NFIA: variants seen among roughly 807,000 people sequenced by gnomAD.
NFIA encodes the protein nuclear factor 1 A-type.
Under a neutral mutation model 62.8 loss-of-function variants are expected in NFIA, and 8 were observed. The ratio of observed to expected loss-of-function variants is 0.13; its 90% CI spans 0.07 to 0.23. The LOEUF (loss-of-function observed/expected upper bound fraction) is 0.23, where lower values mean the gene tolerates loss of function less well. Among genes scored for constraint, NFIA ranks in the 10% least tolerant of loss-of-function variants. NFIA has a pLI of 1.00. For missense variants in NFIA, 410 were observed against 642.1 expected (o/e 0.64, Z 3.91); for synonymous variants, 235 against 238.1 (o/e 0.99, Z 0.12).
At chr1:61,237,445 T>G (rs1247806246) in intron 2 of NFIA, among the ~76,000 whole-genome samples, 2 of 152,204 alleles carry the variant, frequency 1.3e-5, no homozygotes, top group Non-Finnish European at 2.9e-5. Context: ...AATTGACTGA[T>G]AAATCTCTGG....
At chr1:61,431,034 A>G (rs1667078759) in intron 10 of NFIA, among the ~76,000 whole-genome samples, 1 of 152,158 alleles carries the variant, frequency 6.6e-6, no homozygotes, top group African/African-American at 2.4e-5. Context: ...ACATATAGAA[A>G]GGTCTCTGGG....
intron 2 of NFIA, among the ~76,000 whole-genome samples, chr1:61,172,824 T>C (rs1470652223): frequency 6.6e-6 from 1 of 152,248 alleles, no homozygotes; most frequent in Non-Finnish European, 1.5e-5. Flanking sequence ...AACATTTTTC[T>C]TGGTTATTTA....
chr1:61,444,564 G>T (rs543058879), intron 10 of NFIA, among the ~76,000 whole-genome samples: 1 of 152,292 alleles, frequency 6.6e-6, no homozygotes, highest in South Asian at 2.1e-4. Context: ...CTTGTAAACG[G>T]TGTTCCTTGA....
intron 2 of NFIA, among the ~76,000 whole-genome samples, chr1:61,205,197 G>T (rs1012603329): frequency 1.3e-5 from 2 of 152,194 alleles, no homozygotes; most frequent in Non-Finnish European, 2.9e-5. Context: ...ATATTTTATA[G>T]AAATGCGTTT....
chr1:61,390,282 A>G (rs1453342896), intron 7 of NFIA, among the ~76,000 whole-genome samples: 1 of 152,230 alleles, frequency 6.6e-6, no homozygotes, highest in African/African-American at 2.4e-5. Flanking sequence ...CAAAGAATTC[A>G]GACATACGAA....
chr1:61,082,531 T>C (rs553177547), upstream of NFIA: 45 of 1,359,872 alleles, frequency 3.3e-5, no homozygotes, highest in South Asian at 6.1e-4. Context: ...ACAGTAGGCA[T>C]GTATAGTGGA....
intron 10 of NFIA, among the ~76,000 whole-genome samples, chr1:61,437,741 A>G (rs895431113): frequency 1.3e-5 from 2 of 152,234 alleles, no homozygotes; most frequent in East Asian, 3.8e-4. Context: ...GAGAAGACAC[A>G]TGAGTGGTTT....
At chr1:61,267,136 A>G (rs1386433611) in intron 2 of NFIA, among the ~76,000 whole-genome samples, 2 of 152,250 alleles carry the variant, frequency 1.3e-5, no homozygotes, top group African/African-American at 4.8e-5. Context: ...GGAGGATACC[A>G]GGCCTAATTC....
chr1:61,248,019 G>A (rs1163889088), intron 2 of NFIA, among the ~76,000 whole-genome samples: 1 of 152,074 alleles, frequency 6.6e-6, no homozygotes, highest in Non-Finnish European at 1.5e-5. Context: ...AGTAGTTCTT[G>A]TACATGTGTG....
intron 2 of NFIA, among the ~76,000 whole-genome samples, chr1:61,132,274 C>T (rs1281358248): frequency 3.3e-5 from 5 of 152,188 alleles, no homozygotes; most frequent in Non-Finnish European, 7.3e-5. Context: ...CCCCTTTTAA[C>T]TTCATCCCAT....
At chr1:61,081,053 C>T (rs978860604), upstream of NFIA, among the ~76,000 whole-genome samples, 2 of 152,098 alleles carry the variant, frequency 1.3e-5, no homozygotes, top group African/African-American at 4.8e-5. Flanking sequence ...TCACCTCCAC[C>T]GAAGGGCAGA....
chr1:61,393,997 T>C (rs2100504763), intron 7 of NFIA, among the ~76,000 whole-genome samples: 1 of 152,364 alleles, frequency 6.6e-6, no homozygotes, highest in East Asian at 1.9e-4. Context: ...CATGTATCTC[T>C]ATTTATTCTA....
chr1:61,197,717 C>G (rs1000643700), intron 2 of NFIA, among the ~76,000 whole-genome samples: 2 of 151,962 alleles, frequency 1.3e-5, no homozygotes, highest in African/African-American at 4.8e-5. Flanking sequence ...CGCGGTGGCT[C>G]ATGCCTGTAA....
At chr1:61,166,786 T>C (rs551382879) in intron 2 of NFIA, among the ~76,000 whole-genome samples, 23 of 152,328 alleles carry the variant, frequency 1.5e-4, no homozygotes, top group African/African-American at 4.8e-4. Context: ...GGAGGGTTTA[T>C]TGAGGACCTA....
At chr1:61,126,714 A>C (rs990963764) in intron 2 of NFIA, among the ~76,000 whole-genome samples, 1 of 150,960 alleles carries the variant, frequency 6.6e-6, no homozygotes, top group Non-Finnish European at 1.5e-5. Flanking sequence ...CTGAAGTTGC[A>C]TGCAGAATTT....
At chr1:61,389,166 A>C (rs1664844498) in intron 7 of NFIA, among the ~76,000 whole-genome samples, 1 of 152,194 alleles carries the variant, frequency 6.6e-6, no homozygotes, top group Non-Finnish European at 1.5e-5. Flanking sequence ...TGGCACTTGC[A>C]GTGCCATCAG....
upstream of NFIA, among the ~76,000 whole-genome samples, chr1:61,078,738 A>C (rs556622257): frequency 6.6e-6 from 1 of 152,282 alleles, no homozygotes; most frequent in Admixed American, 6.5e-5. Context: ...GGTCAGTAGG[A>C]AATAGGACGT....
chr1:61,443,574 C>T (rs1438422612), intron 10 of NFIA, among the ~76,000 whole-genome samples: 1 of 152,150 alleles, frequency 6.6e-6, no homozygotes, highest in Non-Finnish European at 1.5e-5. Context: ...TGCAGTTTTG[C>T]CAGGTATGCT....
chr1:61,411,047 A>G (rs1175920606), intron 9 of NFIA, among the ~76,000 whole-genome samples: 1 of 152,236 alleles, frequency 6.6e-6, no homozygotes, highest in Admixed American at 6.5e-5. Flanking sequence ...TCGTAGTCAG[A>G]TTATCAGAAC....
Sources: allele counts gnomAD v4.1 joint callset (sites outside exome capture counted in the v4.1 genomes callset), GRCh38; gene constraint gnomAD v4.1.1; transcripts MANE v1.5; gene names NCBI Gene and HGNC (gene_info 2026-07-23, HGNC 2026-07-21).